CAPS2: variants seen among roughly 807,000 people sequenced by gnomAD.
CAPS2 encodes the protein calcyphosine 2.
CAPS2 carries 98 observed loss-of-function variants against 86.5 expected under a neutral mutation model. That is an observed-to-expected ratio of 1.13 (90% confidence interval 0.96 to 1.34). The LOEUF (loss-of-function observed/expected upper bound fraction) is 1.34. Among genes scored for constraint, CAPS2 ranks in the 40% most tolerant of loss-of-function variants. The probability of loss-of-function intolerance (pLI) is 0.00; values close to 1 mark genes in which losing one functional copy is unlikely to be tolerated. For synonymous variants in CAPS2, 210 were observed against 225.1 expected (o/e 0.93, Z 0.60); for missense variants, 729 against 686.8 (o/e 1.06, Z -0.69).
At chr12:75,386,174 A>T (rs1337457821) in intron 1 of CAPS2, among the ~76,000 whole-genome samples, 1 of 152,172 alleles carries the variant, frequency 6.6e-6, no homozygotes, top group Non-Finnish European at 1.5e-5. Flanking sequence ...AGTTTATATG[A>T]AGAGGCAAAA....
At chr12:75,296,799 T>C (rs968135145) in intron 11 of CAPS2, among the ~76,000 whole-genome samples, 1 of 152,204 alleles carries the variant, frequency 6.6e-6, no homozygotes, top group Admixed American at 6.5e-5. Context: ...TGAATATTTC[T>C]GCATAAAACA....
At chr12:75,291,589 ATATATATATATATATATATATATT>A (rs1565794066) in intron 13 of CAPS2, among the ~76,000 whole-genome samples, 131 bp downstream of exon 13, 5 of 93,904 alleles carry the variant, frequency 5.3e-5, no homozygotes, top group South Asian at 8.3e-4. Flanking sequence ...ATATATATAT[ATATATATATATATATATATATATT>A]CTTTTTTAAA....
intron 8 of CAPS2, among the ~76,000 whole-genome samples, chr12:75,303,926 A>G (rs1313024724): frequency 3.9e-5 from 6 of 152,190 alleles, no homozygotes; most frequent in Non-Finnish European, 8.8e-5. Context: ...CCATGAGCCA[A>G]GGAATGAAGG....
At chr12:75,348,302 T>C (rs2042585173) in intron 1 of CAPS2, among the ~76,000 whole-genome samples, 1 of 151,972 alleles carries the variant, frequency 6.6e-6, no homozygotes, top group Non-Finnish European at 1.5e-5. Flanking sequence ...AAATAAGCAG[T>C]AGAAAAGATA....
At chr12:75,279,195 C>T in intron 16 of CAPS2, 130 bp from the exon 17 acceptor site, 1 of 851,162 alleles carries the variant, frequency 1.2e-6, no homozygotes, top group Non-Finnish European at 1.8e-6. Flanking sequence ...AAACTACCAG[C>T]CAATTTATTT....
intron 7 of CAPS2, among the ~76,000 whole-genome samples, chr12:75,309,338 T>A (rs2038889692): frequency 6.6e-6 from 1 of 152,264 alleles, no homozygotes; most frequent in Non-Finnish European, 1.5e-5. Flanking sequence ...CTTCGCTATC[T>A]GCGTGTGTCT....
intron 1 of CAPS2, among the ~76,000 whole-genome samples, chr12:75,370,848 T>C (rs941234975): frequency 5.3e-5 from 8 of 152,298 alleles, no homozygotes; most frequent in Admixed American, 2.6e-4. Flanking sequence ...TATTCAGTAC[T>C]GGCATTTCTT....
chr12:75,314,057 C>T (rs972202888), intron 6 of CAPS2, among the ~76,000 whole-genome samples: 2 of 152,004 alleles, frequency 1.3e-5, no homozygotes, highest in Non-Finnish European at 2.9e-5. Context: ...GTAACTGGGA[C>T]TACAGGTGTA....
upstream of CAPS2, among the ~76,000 whole-genome samples, chr12:75,329,457 A>C (rs549696559): frequency 6.9e-6 from 1 of 145,008 alleles, no homozygotes; most frequent in South Asian, 2.3e-4. Context: ...GCTACCAAAA[A>C]TAACTGAACA....
intron 1 of CAPS2, among the ~76,000 whole-genome samples, chr12:75,388,642 G>A (rs1191241921): frequency 6.6e-6 from 1 of 151,684 alleles, no homozygotes; most frequent in Admixed American, 6.6e-5. Context: ...AGGAGGCAGG[G>A]AGAGATGAAT....
chr12:75,347,982 A>G (rs967402825), intron 1 of CAPS2, among the ~76,000 whole-genome samples: 5 of 152,162 alleles, frequency 3.3e-5, no homozygotes, highest in Middle Eastern at 3.2e-3. Flanking sequence ...AAGAGATAAT[A>G]TAAAATATGT....
chr12:75,334,403 A>G (rs1361863673), upstream of CAPS2: 2 of 968,578 alleles, frequency 2.1e-6, no homozygotes, highest in Middle Eastern at 4.4e-4. Flanking sequence ...TGTGGCTTGC[A>G]TATTGCAATC....
At chr12:75,365,772 CCCTAT>C (rs369597101) in intron 1 of CAPS2, among the ~76,000 whole-genome samples, 171 of 152,090 alleles carry the variant, frequency 1.1e-3, no homozygotes, top group African/African-American at 4.0e-3. Context: ...CATTTTTATA[CCCTAT>C]GAATTGTGGG....
rs900001541 is a variant in CAPS2, at chr12:75,278,456, G to T, written c.*434C>A. ...GGGCCCAATTCTAATTTATCAAATT[G>T]ACCATGGTGGCAAATATATTCTGAG... On this transcript the variant is annotated 3_prime_UTR_variant, in exon 17 of 17. Coordinates refer to ENST00000393284, the Ensembl canonical transcript of CAPS2. 10 of 985,474 alleles carry T rather than the reference G, an allele frequency of 1.0e-5. No individual in the cohort carries two copies. The East Asian group carries it at 1.1e-3, about 112-fold the overall frequency. 61.0% of individuals were successfully genotyped at this position (985,474 alleles called of 1,614,324 possible).
At position 75,291,518 on chromosome 12, in the gene CAPS2, T is replaced by G. The variant is rs1217972297; in HGVS notation, c.1240+226A>C. The stretch of plus-strand genomic sequence containing the variant: ...ATATATATATATATATATATATATA[T>G]ATATAGCTTATTTTAAAAAGTATAT... On this transcript the variant is annotated intron_variant, in intron 13 of 16. Transcript: ENST00000393284. 4.5e-4 allele frequency among the ~76,000 whole-genome samples: 38 copies of G among 84,820 alleles called. 2 individuals are homozygous for G. The highest frequency in any genetic ancestry group is 1.8e-3 in the African/African-American group (36 of 19,766). 55.6% of individuals were successfully genotyped at this position (84,820 alleles called of 152,430 possible).
intron 1 of CAPS2, among the ~76,000 whole-genome samples, chr12:75,361,578 G>T (rs982964066): frequency 6.6e-6 from 1 of 152,186 alleles, no homozygotes; most frequent in African/African-American, 2.4e-5. Flanking sequence ...GGAAAGAGAT[G>T]TAATTGACTC....
chr12:75,377,711 G>T (rs1375245867), intron 1 of CAPS2, among the ~76,000 whole-genome samples: 1 of 151,988 alleles, frequency 6.6e-6, no homozygotes, highest in Non-Finnish European at 1.5e-5. Context: ...CATTGAGGGT[G>T]GGTCTGCCTC....
At chr12:75,341,374 T>C (rs1259755178) in intron 1 of CAPS2, among the ~76,000 whole-genome samples, 1 of 152,234 alleles carries the variant, frequency 6.6e-6, no homozygotes, top group Non-Finnish European at 1.5e-5. Context: ...AAAGGCATTA[T>C]GCTGAGTGAA....
At chr12:75,370,201 C>T in intron 1 of CAPS2, 1 of 1,162,128 alleles carries the variant, frequency 8.6e-7, no homozygotes. Flanking sequence ...AAAAGAAATT[C>T]TCAAATGTTA....
Sources: gnomAD v4.1 joint callset for allele counts (sites outside exome capture counted in the v4.1 genomes callset) on GRCh38, gnomAD v4.1.1 for gene constraint, MANE v1.5 for transcripts, NCBI Gene and HGNC (gene_info 2026-07-23, HGNC 2026-07-21) for gene names.